Variants in CUL5 observed in about 807,000 individuals in gnomAD.
CUL5 encodes cullin 5.
A neutral mutation model predicts 108.8 loss-of-function variants in CUL5; 26 were observed. The observed-to-expected ratio is 0.24, with a 90% confidence interval of 0.18 to 0.33. CUL5 has a LOEUF of 0.33. CUL5 is among the 10% of genes least tolerant of loss of function. The pLI, the probability that CUL5 is intolerant of heterozygous loss-of-function variation, is 1.00. For missense variants in CUL5, 524 were observed against 909.2 expected (o/e 0.58, Z 5.45); for synonymous variants, 334 against 298.0 (o/e 1.12, Z -1.25).
At chr11:108,062,530 A>G (rs935371521) in intron 7 of CUL5, among the ~76,000 whole-genome samples, 1 of 148,422 alleles carries the variant, frequency 6.7e-6, no homozygotes, top group Non-Finnish European at 1.5e-5. Context: ...TATTAAATAT[A>G]ATTATAAATA....
chr11:108,063,093 G>C (rs1381496604), intron 7 of CUL5, among the ~76,000 whole-genome samples: 1 of 151,932 alleles, frequency 6.6e-6, no homozygotes, highest in African/African-American at 2.4e-5. Flanking sequence ...AATCCACCTG[G>C]CTCAGCCTCC....
At chr11:108,091,581 T>C (rs1026315024) in intron 13 of CUL5, among the ~76,000 whole-genome samples, 1 of 151,754 alleles carries the variant, frequency 6.6e-6, no homozygotes, top group Non-Finnish European at 1.5e-5. Flanking sequence ...CCCAGCTGCT[T>C]GGGAGGCTGA....
chr11:108,070,328 A>G, intron 8 of CUL5, 139 bp downstream of exon 8: 1 of 541,110 alleles, frequency 1.8e-6, no homozygotes, highest in South Asian at 3.3e-5. Flanking sequence ...TACTTAAGGA[A>G]ATAGATAAAA....
rs564647946 is a variant in CUL5, at chr11:108,033,786, C to CTT, written c.25-6_25-5dup. On this transcript the variant is annotated splice_polypyrimidine_tract_variant and intron_variant, in intron 1 of 18. Coordinates refer to ENST00000393094, the MANE Select transcript of CUL5 (RefSeq NM_003478.6). ...GCATTTAAATTAAACTCCCTTTTAT[C>CTT]TTTTTTTTTTTCAAGAATAAAGGTT... 9.7e-5 allele frequency: 112 copies of CTT among 1,150,624 alleles called. No individual in the cohort carries two copies. The highest frequency in any genetic ancestry group is 2.6e-4 in the South Asian group (16 of 62,558). 71.3% of individuals were successfully genotyped at this position (1,150,624 alleles called of 1,614,324 possible).
chr11:108,053,406 A>G (rs561288616), intron 5 of CUL5, among the ~76,000 whole-genome samples: 1 of 152,330 alleles, frequency 6.6e-6, no homozygotes, highest in South Asian at 2.1e-4. Context: ...TATTGAGTTA[A>G]TGAACCTATA....
At chr11:108,103,855 A>T (rs1269666183) in intron 18 of CUL5, among the ~76,000 whole-genome samples, 2 of 152,182 alleles carry the variant, frequency 1.3e-5, no homozygotes, top group Non-Finnish European at 2.9e-5. Flanking sequence ...CATATGCAGA[A>T]TGTGCAGGTT....
chr11:108,015,013 C>G (rs1024681269), intron 1 of CUL5, among the ~76,000 whole-genome samples: 5 of 152,176 alleles, frequency 3.3e-5, no homozygotes, highest in African/African-American at 9.7e-5. Flanking sequence ...ATTCTCCTTC[C>G]TCAGCCTCCC....
chr11:108,068,314 T>TTTTG (rs1565256046), intron 7 of CUL5, among the ~76,000 whole-genome samples: 2 of 151,928 alleles, frequency 1.3e-5, no homozygotes, highest in African/African-American at 2.4e-5. Context: ...AAAACCTTTT[T>TTTTG]TTTTGTTTTG....
chr11:108,068,127 A>C (rs1463465446), intron 7 of CUL5, among the ~76,000 whole-genome samples: 1 of 152,048 alleles, frequency 6.6e-6, no homozygotes, highest in Non-Finnish European at 1.5e-5. Flanking sequence ...TGTGTTGGTC[A>C]GGCTGGTCTT....
intron 13 of CUL5, among the ~76,000 whole-genome samples, chr11:108,090,415 T>C (rs1053594168): frequency 2.2e-4 from 34 of 151,758 alleles, no homozygotes; most frequent in Non-Finnish European, 4.1e-4. Flanking sequence ...GCATGAACCC[T>C]GGGGGGCGGA....
At chr11:108,089,418 G>A in intron 12 of CUL5, 74 bp from the exon 13 acceptor site, 1 of 1,104,264 alleles carries the variant, frequency 9.1e-7, no homozygotes, top group Non-Finnish European at 1.3e-6. Context: ...GACAATTGGT[G>A]GATATAGAAA....
chr11:108,089,349 A>G, intron 12 of CUL5, 143 bp from the exon 13 acceptor site: 1 of 489,272 alleles, frequency 2.0e-6, no homozygotes. Context: ...GGTATTTCTC[A>G]GAGATGGATA....
rs1000525934 is a variant in CUL5 at position 108,009,184 on chromosome 11, C to G, written c.-165C>G. The G allele has an allele frequency of 6.0e-6, 4 of 670,156 alleles. No individual in the cohort carries two copies. Among genetic ancestry groups the G allele is most frequent in the Non-Finnish European group, 1.0e-5 (4 of 381,588 alleles). The allele number at this position is 670,156 out of a possible 1,614,324, so 41.5% of individuals were successfully genotyped here. ...GAGAAGAGTGAGGAAGCTCCTGGTGCTTGGGACGAGGTCAGCGCTGTCGGC... is the reference window on the plus strand; with the variant it reads ...GAGAAGAGTGAGGAAGCTCCTGGTGGTTGGGACGAGGTCAGCGCTGTCGGC... On this transcript the variant is annotated 5_prime_UTR_variant, in exon 1 of 19. Transcript: ENST00000393094.
At chr11:108,066,880 G>C (rs1477267222) in intron 7 of CUL5, among the ~76,000 whole-genome samples, 1 of 152,130 alleles carries the variant, frequency 6.6e-6, no homozygotes, top group African/African-American at 2.4e-5. Flanking sequence ...CATGTTTTTA[G>C]GTATATAGTT....
In CUL5 at chr11:108,009,029, C is replaced by T. The variant is rs1276833782; in HGVS notation, c.-320C>T. On this transcript the variant is annotated 5_prime_UTR_variant, in exon 1 of 19. Coordinates refer to ENST00000393094, the MANE Select transcript of CUL5 (RefSeq NM_003478.6). ...GGCTAATCCGAAGGAGTCGGGGAGG[C>T]TCGTGGAGTCGATGCTTCCTCTTCC... 2.3e-6 allele frequency: 1 copy of T among 430,900 alleles called. No individual in the cohort carries two copies. The highest frequency in any genetic ancestry group is 4.2e-6 in the Non-Finnish European group (1 of 239,560). The allele number at this position is 430,900 out of a possible 1,614,324, so 26.7% of individuals were successfully genotyped here. A position where few individuals can be genotyped will look rare whatever the true frequency, so the allele number is the denominator to read the frequency against.
At chr11:108,038,825 T>G (rs998500248) in intron 2 of CUL5, among the ~76,000 whole-genome samples, 3 of 152,168 alleles carry the variant, frequency 2.0e-5, no homozygotes, top group Non-Finnish European at 4.4e-5. Context: ...TCGTTAACAT[T>G]TAGGTTGCTT....
chr11:108,057,723 A>G (rs1190208418), intron 7 of CUL5, among the ~76,000 whole-genome samples: 3 of 152,170 alleles, frequency 2.0e-5, no homozygotes, highest in African/African-American at 4.8e-5. Context: ...AGGATCCTGG[A>G]ATAGGAGAAG....
At chr11:108,073,028 CCT>C (rs1491240893) in intron 9 of CUL5, among the ~76,000 whole-genome samples, 1 of 151,752 alleles carries the variant, frequency 6.6e-6, no homozygotes, top group Non-Finnish European at 1.5e-5. Context: ...TGGTGAAACC[CCT>C]CTCTACTAAA....
intron 7 of CUL5, among the ~76,000 whole-genome samples, chr11:108,065,897 T>G (rs1184767770): frequency 6.6e-6 from 1 of 152,224 alleles, no homozygotes; most frequent in African/African-American, 2.4e-5. Context: ...CTCTATTTTT[T>G]ATTATTTTTT....
Sources: gnomAD v4.1 joint callset for allele counts (sites outside exome capture counted in the v4.1 genomes callset) on GRCh38, gnomAD v4.1.1 for gene constraint, MANE v1.5 for transcripts, NCBI Gene and HGNC (gene_info 2026-07-23, HGNC 2026-07-21) for gene names.